The following FTO variants were observed in gnomAD, a reference collection of about 807,000 sequenced individuals.
The protein encoded by FTO is alpha-ketoglutarate-dependent dioxygenase FTO.
A neutral mutation model predicts 63.9 loss-of-function variants in FTO; 47 were observed. That is an observed-to-expected ratio of 0.74 (90% confidence interval 0.58 to 0.94). The LOEUF is 0.94. FTO is among the 40% of genes least tolerant of loss of function. The pLI, the probability that FTO is intolerant of heterozygous loss-of-function variation, is 0.00. For synonymous variants in FTO, 207 were observed against 224.4 expected (o/e 0.92, Z 0.69); for missense variants, 562 against 618.1 (o/e 0.91, Z 0.96).
intron 1 of FTO, among the ~76,000 whole-genome samples, 192 bp downstream of exon 1, chr16:53,704,421 C>T (rs1246594227): frequency 6.6e-6 from 1 of 152,200 alleles, no homozygotes; most frequent in Non-Finnish European, 1.5e-5. Flanking sequence ...CAGGCCGAGT[C>T]TTGTTGGATC....
chr16:54,053,384 C>T (rs894409470), intron 8 of FTO, among the ~76,000 whole-genome samples: 15 of 152,228 alleles, frequency 9.9e-5, no homozygotes, highest in Non-Finnish European at 1.8e-4. Flanking sequence ...CAGTTCTTCC[C>T]CCTCCCTCTT....
chr16:53,797,615 C>T (rs2078109747), intron 1 of FTO, among the ~76,000 whole-genome samples: 1 of 151,924 alleles, frequency 6.6e-6, no homozygotes, highest in South Asian at 2.1e-4. Flanking sequence ...GGGTTGTTTC[C>T]AGTTTTGGGT....
chr16:53,870,143 G>GTA (rs1427775991), intron 4 of FTO, among the ~76,000 whole-genome samples: 2 of 152,038 alleles, frequency 1.3e-5, no homozygotes, highest in Admixed American at 6.6e-5. Flanking sequence ...AGGAGTTCTA[G>GTA]GTGGCATTGA....
intron 1 of FTO, among the ~76,000 whole-genome samples, chr16:53,764,431 A>G (rs866956241): frequency 7.0e-4 from 104 of 147,894 alleles, no homozygotes; most frequent in Middle Eastern, 3.4e-3. Context: ...GGAGATCAAA[A>G]CCATCCTGGC....
At position 53,740,007 on chromosome 16, in the gene FTO, A is replaced by G. The variant is rs16952486; in HGVS notation, c.45+35778A>G. 9.1e-3 allele frequency among the ~76,000 whole-genome samples: 1,386 copies of G among 152,356 alleles called. 18 individuals are homozygous for G. Among genetic ancestry groups the G allele is most frequent in the East Asian group, 0.04 (208 of 5,190 alleles). ...ACTGGAAGTCACTTGTTTTAAAGTAATTAAGATAACCATGTTGACTTTTAT... is the reference window on the plus strand; with the variant it reads ...ACTGGAAGTCACTTGTTTTAAAGTAGTTAAGATAACCATGTTGACTTTTAT... On this transcript the variant is annotated intron_variant, in intron 1 of 8. Transcript: ENST00000471389.
intron 4 of FTO, among the ~76,000 whole-genome samples, chr16:53,855,543 G>C (rs2079961284): frequency 6.7e-6 from 1 of 148,754 alleles, no homozygotes; most frequent in Admixed American, 6.9e-5. Flanking sequence ...CCAAGAACTG[G>C]CTTTTTTTTT....
intron 1 of FTO, among the ~76,000 whole-genome samples, chr16:53,763,163 T>C (rs2077112191): frequency 6.6e-6 from 1 of 152,060 alleles, no homozygotes; most frequent in Non-Finnish European, 1.5e-5. Context: ...AGATAGAGAG[T>C]GTCTAATATC....
chr16:53,857,674 G>T (rs1015175232), intron 4 of FTO, among the ~76,000 whole-genome samples: 1 of 152,026 alleles, frequency 6.6e-6, no homozygotes, highest in Non-Finnish European at 1.5e-5. Flanking sequence ...CCACACAAAG[G>T]GTATCCCTCT....
intron 8 of FTO, among the ~76,000 whole-genome samples, chr16:54,000,578 G>A (rs1198199314): frequency 1.3e-5 from 2 of 152,172 alleles, no homozygotes; most frequent in Admixed American, 1.3e-4. Context: ...TGTAAGAACT[G>A]TTTCCACAGT....
chr16:53,830,403 C>T (rs2079112931), intron 3 of FTO, among the ~76,000 whole-genome samples: 1 of 152,164 alleles, frequency 6.6e-6, no homozygotes. Context: ...TAATATGGTC[C>T]AGCACCTTGT....
intron 2 of FTO, among the ~76,000 whole-genome samples, chr16:53,823,217 C>A (rs2078914318): frequency 6.6e-6 from 1 of 152,198 alleles, no homozygotes; most frequent in South Asian, 2.1e-4. Flanking sequence ...CTCACTTGGC[C>A]TCTCAGTGTC....
rs536445202 is a variant in FTO, at chr16:53,842,604, A to T, written c.752-1551A>T. Among the ~76,000 whole-genome samples the T allele has an allele frequency of 1.1e-4, 16 of 152,244 alleles. No individual in the cohort carries two copies. In the South Asian group the frequency reaches 3.1e-3, roughly 30 times the overall value. On this transcript the variant is annotated intron_variant, in intron 3 of 8. Transcript: ENST00000471389. ...TCCTTCCAGAAGTATTATAAATATT[A>T]TATTATTATCCTTCCAGAAAAATCA...
chr16:54,009,830 G>A (rs1339221941), intron 8 of FTO, among the ~76,000 whole-genome samples: 1 of 151,992 alleles, frequency 6.6e-6, no homozygotes, highest in African/African-American at 2.4e-5. Flanking sequence ...TCTGTGACTC[G>A]GCCTACCCAG....
chr16:53,987,593 A>G (rs1176757186), intron 8 of FTO, among the ~76,000 whole-genome samples: 17 of 142,224 alleles, frequency 1.2e-4, no homozygotes, highest in Admixed American at 3.5e-4. Flanking sequence ...AAAAAAAAAA[A>G]AAAAGAAAAG....
chr16:53,896,551 C>A (rs1217793493), intron 7 of FTO, among the ~76,000 whole-genome samples: 1 of 152,046 alleles, frequency 6.6e-6, no homozygotes, highest in African/African-American at 2.4e-5. Flanking sequence ...GAATCTTTTT[C>A]CCCCAAGTTG....
intron 1 of FTO, among the ~76,000 whole-genome samples, chr16:53,795,504 G>A (rs942597110): frequency 6.6e-6 from 1 of 151,930 alleles, no homozygotes; most frequent in Non-Finnish European, 1.5e-5. Context: ...AGATTCTCGC[G>A]ATGTTGCCCA....
intron 8 of FTO, among the ~76,000 whole-genome samples, chr16:54,074,189 A>G (rs2085934095): frequency 6.6e-6 from 1 of 152,060 alleles, no homozygotes; most frequent in Non-Finnish European, 1.5e-5. Flanking sequence ...ATTTACTTAT[A>G]TCTAAGGTTA....
In FTO at chr16:54,115,838, G is replaced by C. The variant is rs146856086; in HGVS notation, c.*3923G>C. 4 of 152,354 alleles carry C rather than the reference G, an allele frequency of 2.6e-5. No homozygotes were observed. The highest frequency in any genetic ancestry group is 2.1e-4 in the South Asian group (1 of 4,822). 9.4% of individuals were successfully genotyped at this position (152,354 alleles called of 1,614,324 possible). A position where few individuals can be genotyped will look rare whatever the true frequency, so the allele number is the denominator to read the frequency against. ...TCTGGATTCCAGAGGGTCTCTGAGA[G>C]AGCAAACAGCTTAATCCAAAGGAGC... On this transcript the variant is annotated 3_prime_UTR_variant, in exon 9 of 9. Transcript: ENST00000471389.
intron 8 of FTO, among the ~76,000 whole-genome samples, chr16:54,052,981 T>C (rs1599280170): frequency 6.6e-6 from 1 of 152,144 alleles, no homozygotes; most frequent in African/African-American, 2.4e-5. Flanking sequence ...GGATTACAGG[T>C]GTGAGCCACT....
Sources: gnomAD v4.1 joint callset for allele counts (sites outside exome capture counted in the v4.1 genomes callset) on GRCh38, gnomAD v4.1.1 for gene constraint, MANE v1.5 for transcripts, NCBI Gene and HGNC (gene_info 2026-07-23, HGNC 2026-07-21) for gene names.